The following PDE1C variants were observed in gnomAD, a reference collection of about 807,000 sequenced individuals.
The protein encoded by PDE1C is phosphodiesterase 1C.
A neutral mutation model predicts 93.1 loss-of-function variants in PDE1C; 62 were observed. The ratio of observed to expected loss-of-function variants is 0.67; its 90% CI spans 0.54 to 0.82. The LOEUF is 0.82. Ranked by LOEUF, PDE1C falls within the 40% of genes least tolerant of loss-of-function variation. PDE1C has a pLI of 0.00. For synonymous variants in PDE1C, 325 were observed against 310.1 expected (o/e 1.05, Z -0.50); for missense variants, 742 against 884.6 (o/e 0.84, Z 2.04).
intron 9 of PDE1C, among the ~76,000 whole-genome samples, chr7:31,841,314 C>A (rs1054509558): frequency 6.6e-6 from 1 of 151,160 alleles, no homozygotes; most frequent in Non-Finnish European, 1.5e-5. Context: ...TGTGACCTTG[C>A]AAAATTCATT....
At chr7:32,361,749 T>G (rs951489881) in intron 1 of PDE1C, among the ~76,000 whole-genome samples, 1 of 152,176 alleles carries the variant, frequency 6.6e-6, no homozygotes, top group African/African-American at 2.4e-5. Flanking sequence ...CTCTTTCTCA[T>G]ACCAGTGACC....
chr7:31,650,738 T>C, the PDE1C span, among the ~76,000 whole-genome samples: 2 of 152,220 alleles, frequency 1.3e-5, no homozygotes, highest in South Asian at 2.1e-4. Flanking sequence ...TTCAATGTTA[T>C]TGATACTCAG....
chr7:32,127,936 A>G (rs1458949334), intron 3 of PDE1C, among the ~76,000 whole-genome samples: 1 of 152,026 alleles, frequency 6.6e-6, no homozygotes, highest in Non-Finnish European at 1.5e-5. Flanking sequence ...AAGGACAGCA[A>G]TGAAAAGAAA....
chr7:31,652,626 G>A, the PDE1C span: 1 of 1,613,726 alleles, frequency 6.2e-7, no homozygotes, highest in Non-Finnish European at 8.5e-7. Flanking sequence ...AATCCACCCA[G>A]GCATGGCCCC....
intron 3 of PDE1C, among the ~76,000 whole-genome samples, chr7:32,137,517 T>C (rs1800279006): frequency 3.3e-5 from 5 of 152,140 alleles, no homozygotes. Flanking sequence ...TAAAATAAAA[T>C]AATCAACCTG....
intron 2 of PDE1C, among the ~76,000 whole-genome samples, chr7:32,172,359 A>C (rs187316834): frequency 1.3e-5 from 2 of 152,218 alleles, no homozygotes; most frequent in African/African-American, 4.8e-5. Flanking sequence ...AAAACAAACA[A>C]CACCATCAAA....
chr7:32,402,526 C>G (rs923849225), intron 1 of PDE1C, among the ~76,000 whole-genome samples: 1 of 152,178 alleles, frequency 6.6e-6, no homozygotes, highest in East Asian at 1.9e-4. Flanking sequence ...CTATCCAGAC[C>G]CTCAACAGAC....
At chr7:32,255,683 T>G (rs957837387) in intron 1 of PDE1C, among the ~76,000 whole-genome samples, 6 of 152,168 alleles carry the variant, frequency 3.9e-5, no homozygotes, top group Admixed American at 1.3e-4. Flanking sequence ...GGTACATTTG[T>G]GATGGGCCTT....
intron 1 of PDE1C, among the ~76,000 whole-genome samples, chr7:32,319,663 T>G (rs1178648084): frequency 6.6e-6 from 1 of 152,186 alleles, no homozygotes; most frequent in East Asian, 1.9e-4. Flanking sequence ...AAACTCAGCT[T>G]ATGTAATCTG....
At chr7:31,643,254 C>G in the PDE1C span, 1 of 1,613,784 alleles carries the variant, frequency 6.2e-7, no homozygotes, top group Non-Finnish European at 8.5e-7. Context: ...TCTGTCCTCA[C>G]ACCAACCACA....
intron 17 of PDE1C, among the ~76,000 whole-genome samples, chr7:31,763,436 T>G (rs569346687): frequency 1.7e-4 from 26 of 152,102 alleles, no homozygotes; most frequent in African/African-American, 6.0e-4. Flanking sequence ...TGGAGAGGCT[T>G]TTGGGAGAGG....
chr7:31,906,360 C>CA (rs1374360031), intron 2 of PDE1C, among the ~76,000 whole-genome samples: 10 of 152,280 alleles, frequency 6.6e-5, no homozygotes, highest in African/African-American at 2.4e-4. Flanking sequence ...TAATAATTCT[C>CA]AAGAGCATGT....
chr7:32,137,644 T>C (rs1235019584), intron 3 of PDE1C, among the ~76,000 whole-genome samples: 2 of 152,208 alleles, frequency 1.3e-5, no homozygotes, highest in East Asian at 3.8e-4. Context: ...GAGCCAATAA[T>C]CATTTTCTAC....
chr7:31,830,235 A>C (rs1409300250), intron 11 of PDE1C, among the ~76,000 whole-genome samples: 1 of 152,188 alleles, frequency 6.6e-6, no homozygotes, highest in Non-Finnish European at 1.5e-5. Context: ...GTAGAGGAAT[A>C]AACTTCTACT....
At chr7:31,883,869 G>A (rs1002622728) in intron 2 of PDE1C, among the ~76,000 whole-genome samples, 1 of 152,200 alleles carries the variant, frequency 6.6e-6, no homozygotes, top group African/African-American at 2.4e-5. Flanking sequence ...GCTTCTCCCT[G>A]ATGTAGTCAC....
chr7:32,060,249 A>T (rs1456985555), intron 1 of PDE1C, among the ~76,000 whole-genome samples: 1 of 152,152 alleles, frequency 6.6e-6, no homozygotes, highest in African/African-American at 2.4e-5. Context: ...CTTCAATGTC[A>T]GTCTAATTTT....
intron 2 of PDE1C, among the ~76,000 whole-genome samples, chr7:32,207,589 A>T: frequency 6.6e-6 from 1 of 152,004 alleles, no homozygotes; most frequent in Admixed American, 6.6e-5. Context: ...TTTCCGGAGT[A>T]TGGCAATTAA....
chr7:31,723,799 G>T, the PDE1C span, among the ~76,000 whole-genome samples: 2 of 152,166 alleles, frequency 1.3e-5, no homozygotes, highest in African/African-American at 4.8e-5. Context: ...CTTTTCTTTA[G>T]TTAATTCTCG....
intron 1 of PDE1C, among the ~76,000 whole-genome samples, chr7:32,370,761 A>G (rs1254696504): frequency 6.7e-6 from 1 of 149,874 alleles, no homozygotes; most frequent in Non-Finnish European, 1.5e-5. Context: ...CGTTGTGCAC[A>G]TGTACCCTAG....
Sources: allele counts gnomAD v4.1 joint callset (sites outside exome capture counted in the v4.1 genomes callset), GRCh38; gene constraint gnomAD v4.1.1; transcripts MANE v1.5; gene names NCBI Gene and HGNC (gene_info 2026-07-23, HGNC 2026-07-21).